Variants in BCL9 observed in about 807,000 individuals in gnomAD.
BCL9 encodes the protein B-cell CLL/lymphoma 9 protein.
BCL9 carries 25 observed loss-of-function variants against 88.5 expected under a neutral mutation model. The observed-to-expected ratio is 0.28, with a 90% CI of 0.21 to 0.39. The LOEUF is 0.39. Ranked by LOEUF, BCL9 falls within the 10% of genes least tolerant of loss-of-function variation. The probability of loss-of-function intolerance (pLI) is 1.00; values close to 1 mark genes in which losing one functional copy is unlikely to be tolerated. For synonymous variants in BCL9, 711 were observed against 673.3 expected, an observed-to-expected ratio of 1.06 and a Z score of -0.87; for missense variants, 1,817 against 1,877.8, an observed-to-expected ratio of 0.97 and a Z score of 0.60.
intron 1 of BCL9, among the ~76,000 whole-genome samples, chr1:147,572,011 C>G (rs1361963292): frequency 6.6e-6 from 1 of 151,850 alleles, no homozygotes; most frequent in Non-Finnish European, 1.5e-5. Context: ...GCGGGCGGAT[C>G]ATGGGATCAT....
At chr1:147,569,406 A>G (rs1553197079) in intron 1 of BCL9, among the ~76,000 whole-genome samples, 2 of 150,590 alleles carry the variant, frequency 1.3e-5, no homozygotes, top group African/African-American at 4.9e-5. Context: ...AGGAGGGTGG[A>G]TCACCTGAGC....
At chr1:147,587,127 C>A (rs1656648056) in intron 1 of BCL9, among the ~76,000 whole-genome samples, 1 of 152,068 alleles carries the variant, frequency 6.6e-6, no homozygotes, top group Admixed American at 6.5e-5. Context: ...GTCACTTACT[C>A]CGTGCCACAT....
At chr1:147,613,617 C>T (rs1553203145) in intron 5 of BCL9, among the ~76,000 whole-genome samples, 1 of 152,162 alleles carries the variant, frequency 6.6e-6, no homozygotes, top group Admixed American at 6.5e-5. Context: ...AGGCTTGGGT[C>T]TTGTGTTCTC....
intron 3 of BCL9, among the ~76,000 whole-genome samples, chr1:147,609,866 G>C (rs1455195104): frequency 1.3e-5 from 2 of 152,150 alleles, no homozygotes; most frequent in Non-Finnish European, 2.9e-5. Flanking sequence ...CAAGGTTCTT[G>C]GCTTCTAAGA....
chr1:147,581,277 C>A (rs1206518900), intron 1 of BCL9, among the ~76,000 whole-genome samples: 1 of 152,180 alleles, frequency 6.6e-6, no homozygotes, highest in Non-Finnish European at 1.5e-5. Context: ...AAACAGTAAA[C>A]TCCCAAAATG....
chr1:147,593,095 G>A (rs982834887), intron 1 of BCL9, among the ~76,000 whole-genome samples: 3 of 152,098 alleles, frequency 2.0e-5, no homozygotes, highest in African/African-American at 4.8e-5. Context: ...CATCATCACA[G>A]CAAGCAAGGT....
chr1:147,566,756 C>CA (rs1393168298), intron 1 of BCL9, among the ~76,000 whole-genome samples: 28 of 84,246 alleles, frequency 3.3e-4, no homozygotes, highest in South Asian at 9.4e-4. Flanking sequence ...GACGCTGTCT[C>CA]AAAAAAAAAG....
chr1:147,561,068 CAA>C (rs1655352226), intron 1 of BCL9, among the ~76,000 whole-genome samples: 1 of 152,200 alleles, frequency 6.6e-6, no homozygotes, highest in African/African-American at 2.4e-5. Context: ...TGTTCCAAAG[CAA>C]AGTCACTTAA....
chr1:147,544,467 G>T (rs949861801), intron 1 of BCL9, among the ~76,000 whole-genome samples: 2 of 152,064 alleles, frequency 1.3e-5, no homozygotes, highest in East Asian at 3.9e-4. Context: ...AATAATATCT[G>T]CTAATCCCCT....
chr1:147,597,766 C>G (rs1207154340), intron 1 of BCL9, among the ~76,000 whole-genome samples: 1 of 152,162 alleles, frequency 6.6e-6, no homozygotes, highest in Non-Finnish European at 1.5e-5. Flanking sequence ...AACCTCTAAC[C>G]TTTAGATTTC....
chr1:147,625,716 C>A lies in BCL9; in HGVS notation c.*757C>A. 4.3e-6 allele frequency: 1 copy of A among 233,174 alleles called. No homozygotes were observed. The highest frequency in any genetic ancestry group is 6.0e-5 in the East Asian group (1 of 16,536). 14.4% of individuals were successfully genotyped at this position (233,174 alleles called of 1,614,324 possible). A position where few individuals can be genotyped will look rare whatever the true frequency, so the allele number is the denominator to read the frequency against. The stretch of plus-strand genomic sequence containing the variant: ...CACTGGCACATTTTTCTCTTGTTTT[C>A]TCTCTCCGATTTTGCTCTGTCTCCT... On this transcript the variant is annotated 3_prime_UTR_variant, in exon 10 of 10. Transcript: ENST00000234739.
intron 7 of BCL9, among the ~76,000 whole-genome samples, chr1:147,617,240 A>G (rs1460148647): frequency 1.3e-5 from 2 of 152,164 alleles, no homozygotes; most frequent in Non-Finnish European, 2.9e-5. Context: ...AGTTCTTAAT[A>G]CCTACACCTT....
In BCL9 at chr1:147,624,471, G is replaced by C. The variant is rs1467188330; in HGVS notation, c.3793G>C (p.Gly1265Arg). 1.2e-6 allele frequency: 2 copies of C among 1,614,080 alleles called. No individual in the cohort carries two copies. Among genetic ancestry groups the C allele is most frequent in the Non-Finnish European group, 1.7e-6 (2 of 1,180,040 alleles). The change falls in exon 10 of 10, where the codon GGT becomes CGT. Residue 1265 changes from glycine (G) to arginine (R), a missense_variant. Coordinates refer to ENST00000234739, the MANE Select transcript of BCL9 (RefSeq NM_004326.4). The surrounding 1 kb of genome is among the most constrained non-coding windows in gnomAD (Gnocchi z 4.4). Reference sequence around the variant, plus strand: ...AGTTCCAGGCCGTAAACAGCCCCAGGGTCCTGGACCTGGGTTTTCACACAT... The same window carrying C: ...AGTTCCAGGCCGTAAACAGCCCCAGCGTCCTGGACCTGGGTTTTCACACAT... ...GEVPGRKQPQ[G>R]PGPGFSHMQG...
In BCL9 at chr1:147,620,898, G is replaced by C. The variant is rs1553205244; in HGVS notation, c.2743G>C (p.Ala915Pro). Residue 915 changes from alanine (A) to proline (P), a missense_variant, in exon 8 of 10, where the codon GCT becomes CCT. This residue lies in a region of BCL9 where 1,228 missense variants were observed against 1,191.6 expected (regional missense o/e 1.03). Coordinates refer to ENST00000234739, the MANE Select transcript of BCL9 (RefSeq NM_004326.4). ...GTCCCCCCCTGTTTTGGGGTCTGCT[G>C]CTGCTTCACCTGTCCACCTCAAGTC... ...IKSPPVLGSA[A>P]ASPVHLKSPS... 6.2e-7 allele frequency: 1 copy of C among 1,614,122 alleles called. No homozygotes were observed. Among genetic ancestry groups the C allele is most frequent in the East Asian group, 2.2e-5 (1 of 44,882 alleles).
intron 3 of BCL9, among the ~76,000 whole-genome samples, chr1:147,609,265 TAGA>T (rs1265848239): frequency 6.6e-6 from 1 of 152,222 alleles, no homozygotes; most frequent in Non-Finnish European, 1.5e-5. Context: ...TTTGGAACTA[TAGA>T]AGATGTTTGG....
At chr1:147,601,245 A>T (rs587723132) in intron 1 of BCL9, among the ~76,000 whole-genome samples, 1 of 152,346 alleles carries the variant, frequency 6.6e-6, no homozygotes, top group Non-Finnish European at 1.5e-5. Flanking sequence ...TAGATAAGTT[A>T]GAGAAATGGA....
rs587736433 is a variant in BCL9 at position 147,614,525 on chromosome 1, T to C, written c.469T>C (p.Ser157Pro). Residue 157 changes from serine (S) to proline (P), a missense_variant, in exon 6 of 10, where the codon TCC becomes CCC. By Grantham distance (74) the Ser-to-Pro change is moderately conservative (BLOSUM62 -1). Coordinates refer to ENST00000234739, the MANE Select transcript of BCL9 (RefSeq NM_004326.4). ...NATAPRSSTPSHGQTTATEPT... is the reference protein window; with the variant it reads ...NATAPRSSTPPHGQTTATEPT... Reference sequence around the variant, plus strand: ...TACAGCCCCCAGGTCTTCTACCCCCTCCCATGGCCAAACTACTGCCACAGA... The same window carrying C: ...TACAGCCCCCAGGTCTTCTACCCCCCCCCATGGCCAAACTACTGCCACAGA... 1 of 1,613,736 alleles carries C rather than the reference T, an allele frequency of 6.2e-7. No homozygotes were observed. The highest frequency in any genetic ancestry group is 1.1e-5 in the South Asian group (1 of 91,054).
At chr1:147,576,598 G>A (rs961674479) in intron 1 of BCL9, among the ~76,000 whole-genome samples, 6 of 152,168 alleles carry the variant, frequency 3.9e-5, no homozygotes, top group Non-Finnish European at 7.3e-5. Context: ...GAGAAATGCT[G>A]CTTGACTTAT....
intron 1 of BCL9, among the ~76,000 whole-genome samples, chr1:147,549,480 C>G (rs1408371444): frequency 3.3e-5 from 5 of 152,074 alleles, no homozygotes; most frequent in African/African-American, 1.2e-4. Context: ...TCTTCTAGCT[C>G]AGAAACAGGA....
Sources: allele counts gnomAD v4.1 joint callset (sites outside exome capture counted in the v4.1 genomes callset), GRCh38; gene constraint gnomAD v4.1.1; regional missense constraint gnomAD v4.1.1; non-coding constraint Gnocchi (gnomAD v3.1); transcripts MANE v1.5; gene names NCBI Gene and HGNC (gene_info 2026-07-23, HGNC 2026-07-21).